Variants in PCMTD1 observed in about 807,000 individuals in gnomAD.
The protein encoded by PCMTD1 is protein-L-isoaspartate O-methyltransferase domain-containing protein 1.
PCMTD1 carries 12 observed loss-of-function variants against 37.6 expected under a neutral mutation model. The ratio of observed to expected loss-of-function variants is 0.32; its 90% confidence interval spans 0.20 to 0.52. The LOEUF (loss-of-function observed/expected upper bound fraction) is 0.52, where lower values mean the gene tolerates loss of function less well. PCMTD1 is among the 20% of genes least tolerant of loss of function. The probability of loss-of-function intolerance (pLI) is 0.97; values close to 1 mark genes in which losing one functional copy is unlikely to be tolerated. For missense variants in PCMTD1, 235 were observed against 421.3 expected (o/e 0.56, Z 3.87); for synonymous variants, 117 against 135.8 (o/e 0.86, Z 0.96).
In PCMTD1 at chr8:51,854,020, A is replaced by G. The variant is rs77563842; in HGVS notation, c.307+6825T>C. On this transcript the variant is annotated intron_variant, in intron 2 of 5. Coordinates refer to ENST00000522514, the MANE Select transcript of PCMTD1 (RefSeq NM_052937.4). ...TCAAGAGACAAAATTTGCAAATAGT[A>G]AGGATTGGCTGTATTTGCTACATAG... 2.2e-3 allele frequency among the ~76,000 whole-genome samples: 328 copies of G among 152,306 alleles called. 2 individuals are homozygous for G. The highest frequency in any genetic ancestry group is 7.5e-3 in the African/African-American group (310 of 41,570).
At chr8:51,885,283 T>C (rs1192370444) in intron 1 of PCMTD1, among the ~76,000 whole-genome samples, 1 of 152,224 alleles carries the variant, frequency 6.6e-6, no homozygotes, top group Non-Finnish European at 1.5e-5. Flanking sequence ...ATATCTTCGC[T>C]TCTTGGCAAA....
intron 3 of PCMTD1, among the ~76,000 whole-genome samples, chr8:51,842,786 T>C (rs2038165850): frequency 6.6e-6 from 1 of 152,118 alleles, no homozygotes; most frequent in Non-Finnish European, 1.5e-5. Flanking sequence ...ATGGTAATAC[T>C]TTTGAAAAGG....
Position 51,833,524 on chromosome 8 carries a change from C to T in PCMTD1, c.576G>A (p.Glu192=). The change falls in exon 4 of 6, where the codon GAG becomes GAA. Residue 192 remains glutamate, a synonymous_variant. Transcript: ENST00000522514. ...AAAGGAGAGTGGAAGTTACCTGATC[C>T]TCTATAGGCATGACTAATATGCCTC... ...KVGGILVMPI[E]DQLTQIMRTG... 6.2e-7 allele frequency: 1 copy of T among 1,606,002 alleles called. No individual in the cohort carries two copies.
chr8:51,899,168 C>T (rs1248918351), upstream of PCMTD1: 1 of 1,305,188 alleles, frequency 7.7e-7, no homozygotes, highest in Admixed American at 3.7e-5. Context: ...GTCAACAAGG[C>T]CGGGAGACGC....
rs1488063937 is a variant in PCMTD1, at chr8:51,817,675, T to C, written c.*2676A>G. ...TCACTTTTATCATCTCAAACAGCTA[T>C]AAATCAACACACTTTTTGTATTTTA... On this transcript the variant is annotated 3_prime_UTR_variant, in exon 6 of 6. Transcript: ENST00000522514. 7.8e-6 allele frequency: 2 copies of C among 256,584 alleles called. No individual in the cohort carries two copies. The highest frequency in any genetic ancestry group is 4.1e-5 in the South Asian group (1 of 24,380). 15.9% of individuals were successfully genotyped at this position (256,584 alleles called of 1,614,324 possible).
chr8:51,833,503 G>A lies in PCMTD1; in HGVS notation c.582+15C>T. 4 of 1,589,814 alleles carry A rather than the reference G, an allele frequency of 2.5e-6. No homozygotes were observed. The highest frequency in any genetic ancestry group is 8.6e-7 in the Non-Finnish European group (1 of 1,168,276). Reference sequence around the variant, plus strand: ...TGCTTCCTAGGCCACTAAAGAAAAGGAGAGTGGAAGTTACCTGATCCTCTA... The same window carrying A: ...TGCTTCCTAGGCCACTAAAGAAAAGAAGAGTGGAAGTTACCTGATCCTCTA... On this transcript the variant is annotated intron_variant, in intron 4 of 5. Coordinates refer to ENST00000522514, the MANE Select transcript of PCMTD1 (RefSeq NM_052937.4).
At chr8:51,866,393 G>A (rs2038555916) in intron 1 of PCMTD1, among the ~76,000 whole-genome samples, 1 of 151,960 alleles carries the variant, frequency 6.6e-6, no homozygotes, top group Admixed American at 6.6e-5. Context: ...CAAAGCTATA[G>A]TAATCAAAGC....
At chr8:51,878,288 T>A (rs1563359354) in intron 1 of PCMTD1, among the ~76,000 whole-genome samples, 1 of 145,912 alleles carries the variant, frequency 6.9e-6, no homozygotes, top group Non-Finnish European at 1.5e-5. Context: ...ATCCTTAGCA[T>A]TAGTGTATTT....
chr8:51,890,046 T>C (rs1408751290), intron 1 of PCMTD1, among the ~76,000 whole-genome samples: 3 of 151,042 alleles, frequency 2.0e-5, no homozygotes, highest in Non-Finnish European at 4.4e-5. Flanking sequence ...TCATAAATAA[T>C]GAGGTAATTA....
chr8:51,889,289 T>A (rs1290893490), intron 1 of PCMTD1, among the ~76,000 whole-genome samples: 1 of 152,216 alleles, frequency 6.6e-6, no homozygotes, highest in African/African-American at 2.4e-5. Context: ...ATATAACCTT[T>A]ATTACTGATT....
intron 5 of PCMTD1, among the ~76,000 whole-genome samples, chr8:51,827,597 A>C (rs1331389216): frequency 6.6e-6 from 1 of 152,180 alleles, no homozygotes; most frequent in African/African-American, 2.4e-5. Flanking sequence ...TTGCAGGCCC[A>C]GGCATCCCCT....
At chr8:51,881,000 CAA>C (rs2038783043) in intron 1 of PCMTD1, among the ~76,000 whole-genome samples, 1 of 152,086 alleles carries the variant, frequency 6.6e-6, no homozygotes, top group Non-Finnish European at 1.5e-5. Context: ...GCAGACCACA[CAA>C]AAAAAGACAG....
chr8:51,834,826 C>T (rs1265818171), intron 3 of PCMTD1, among the ~76,000 whole-genome samples: 10 of 152,016 alleles, frequency 6.6e-5, no homozygotes, highest in Admixed American at 6.6e-4. Context: ...TATGCCCTGC[C>T]CTTCATTTCT....
chr8:51,871,446 T>C (rs2038637961), intron 1 of PCMTD1, among the ~76,000 whole-genome samples: 2 of 152,212 alleles, frequency 1.3e-5, no homozygotes, highest in African/African-American at 2.4e-5. Flanking sequence ...GAAGGAAGGA[T>C]GAGCTTACCT....
intron 2 of PCMTD1, among the ~76,000 whole-genome samples, chr8:51,848,562 C>T (rs2038257493): frequency 6.6e-6 from 1 of 152,164 alleles, no homozygotes; most frequent in African/African-American, 2.4e-5. Context: ...CCACTGGTCT[C>T]TTTTTCGTTT....
chr8:51,874,312 A>C (rs996502219), intron 1 of PCMTD1, among the ~76,000 whole-genome samples: 1 of 152,214 alleles, frequency 6.6e-6, no homozygotes, highest in Admixed American at 6.5e-5. Context: ...ACTACAGTTC[A>C]GAACTTCCCC....
chr8:51,822,618 G>A (rs1425545803), intron 5 of PCMTD1, among the ~76,000 whole-genome samples: 2 of 152,192 alleles, frequency 1.3e-5, no homozygotes, highest in Admixed American at 6.5e-5. Context: ...AATGCTAGGA[G>A]ATTACGTACT....
intron 1 of PCMTD1, among the ~76,000 whole-genome samples, chr8:51,890,722 A>G (rs777590479): frequency 3.9e-5 from 6 of 152,204 alleles, no homozygotes; most frequent in Middle Eastern, 3.2e-3. Flanking sequence ...ACCAACAGCT[A>G]AACACCCATG....
intron 1 of PCMTD1, among the ~76,000 whole-genome samples, chr8:51,887,881 A>G (rs2038887117): frequency 6.6e-6 from 1 of 151,648 alleles, no homozygotes; most frequent in African/African-American, 2.4e-5. Context: ...AGCTGGGATT[A>G]CAGGCACGTG....
Sources: allele counts gnomAD v4.1 joint callset (sites outside exome capture counted in the v4.1 genomes callset), GRCh38; gene constraint gnomAD v4.1.1; transcripts MANE v1.5; gene names NCBI Gene and HGNC (gene_info 2026-07-23, HGNC 2026-07-21).